LTN1: variants seen among roughly 807,000 people sequenced by gnomAD.
LTN1 encodes the protein E3 ubiquitin-protein ligase listerin.
A neutral mutation model predicts 201.2 loss-of-function variants in LTN1; 88 were observed. The observed-to-expected ratio is 0.44, with a 90% CI of 0.37 to 0.52. The LOEUF (loss-of-function observed/expected upper bound fraction) is 0.52. Among genes scored for constraint, LTN1 ranks in the 20% least tolerant of loss-of-function variants. LTN1 has a pLI of 0.00. For missense variants in LTN1, 1,752 were observed against 2,038.7 expected, an observed-to-expected ratio of 0.86 and a Z score of 2.71; for synonymous variants, 645 against 713.5, an observed-to-expected ratio of 0.90 and a Z score of 1.53.
chr21:28,952,711 A>G (rs2084392545), intron 17 of LTN1, among the ~76,000 whole-genome samples: 2 of 152,212 alleles, frequency 1.3e-5, no homozygotes, highest in African/African-American at 2.4e-5. Flanking sequence ...AGCAAAGCAT[A>G]CTCAAAATAC....
Position 28,981,049 on chromosome 21 carries a change from T to A in LTN1, c.810+70A>T, listed in dbSNP as rs1190903719. On this transcript the variant is annotated intron_variant, in intron 6 of 29. Coordinates refer to ENST00000361371, the MANE Select transcript of LTN1 (RefSeq NM_015565.3). The stretch of plus-strand genomic sequence containing the variant: ...GAGTTCTAAGTATAAACAATAAACA[T>A]AAAACATAAACTAAGAAGATGGGGG... 4 of 989,926 alleles carry A rather than the reference T, an allele frequency of 4.0e-6. No homozygotes were observed. In the African/African-American group the frequency reaches 5.0e-5, roughly 12 times the overall value. 61.3% of individuals were successfully genotyped at this position (989,926 alleles called of 1,614,324 possible). A position where few individuals can be genotyped will look rare whatever the true frequency, so the allele number is the denominator to read the frequency against.
chr21:28,979,449 C>T (rs2084641464), intron 6 of LTN1, among the ~76,000 whole-genome samples: 1 of 152,162 alleles, frequency 6.6e-6, no homozygotes, highest in African/African-American at 2.4e-5. Context: ...CTTCTGAATA[C>T]TACAAGGCAG....
At chr21:28,955,653 G>A (rs1019109751) in intron 16 of LTN1, among the ~76,000 whole-genome samples, 9 of 151,708 alleles carry the variant, frequency 5.9e-5, no homozygotes, top group Admixed American at 4.6e-4. Context: ...GGCCAGGCAC[G>A]GTAGCTCACT....
chr21:28,992,713 C>G, intron 1 of LTN1, 51 bp downstream of exon 1: 2 of 1,608,056 alleles, frequency 1.2e-6, no homozygotes, highest in Non-Finnish European at 1.7e-6. Flanking sequence ...TGGGCGGAGC[C>G]AGCCGCCTCG....
chr21:28,990,755 A>G lies in LTN1; in HGVS notation c.42+2009T>C, dbSNP rs144974804. On this transcript the variant is annotated intron_variant, in intron 1 of 29. Transcript: ENST00000361371. ...GCCTGAATCTAATCATAAGGAAAAA[A>G]CTAGATGAATCTGAATTAATCAAAC... 1.6e-4 allele frequency among the ~76,000 whole-genome samples: 24 copies of G among 152,314 alleles called. No homozygotes were observed. In the East Asian group the frequency reaches 4.6e-3, roughly 29 times the overall value.
At chr21:28,972,833 G>A (rs564417815) in intron 6 of LTN1, among the ~76,000 whole-genome samples, 3 of 152,146 alleles carry the variant, frequency 2.0e-5, no homozygotes, top group African/African-American at 7.2e-5. Flanking sequence ...TCCCAAGCAG[G>A]ATACATAAAG....
At chr21:28,943,192 C>A in intron 24 of LTN1, 70 bp downstream of exon 24, 1 of 868,076 alleles carries the variant, frequency 1.2e-6, no homozygotes, top group South Asian at 1.5e-5. Flanking sequence ...CTGCTTCAGT[C>A]CTCTAAAGAC....
Position 28,957,487 on chromosome 21 carries a change from T to C in LTN1, c.2748-11A>G. ...AAGAGGACTTGGAGACTAAAAATAA[T>C]GCAGAGAACTTAACTGTTGTAGTTA... On this transcript the variant is annotated splice_polypyrimidine_tract_variant and intron_variant, in intron 14 of 29. Transcript: ENST00000361371. 1 of 1,539,144 alleles carries C rather than the reference T, an allele frequency of 6.5e-7. No individual in the cohort carries two copies. Among genetic ancestry groups the C allele is most frequent in the Non-Finnish European group, 8.7e-7 (1 of 1,145,486 alleles).
chr21:28,970,494 G>T, intron 8 of LTN1, 58 bp downstream of exon 8: 1 of 1,105,798 alleles, frequency 9.0e-7, no homozygotes, highest in Non-Finnish European at 1.3e-6. Flanking sequence ...GAAAGAAAAT[G>T]AGTATAAAAA....
intron 11 of LTN1, among the ~76,000 whole-genome samples, chr21:28,964,075 T>A (rs147020058): frequency 1.3e-5 from 2 of 152,348 alleles, no homozygotes; most frequent in East Asian, 3.9e-4. Context: ...GCCGTGAACA[T>A]TGTTGACATG....
Position 28,972,790 on chromosome 21 carries a change from A to C in LTN1, c.811-1346T>G, listed in dbSNP as rs578017517. 3.3e-5 allele frequency among the ~76,000 whole-genome samples: 5 copies of C among 152,228 alleles called. No homozygotes were observed. The South Asian group carries it at 8.3e-4, about 25-fold the overall frequency. ...GAGAATTTTACAGAGCCAATGAAATACACCAAGTCAAAGATTCAAAAAGTC... is the reference window on the plus strand; with the variant it reads ...GAGAATTTTACAGAGCCAATGAAATCCACCAAGTCAAAGATTCAAAAAGTC... On this transcript the variant is annotated intron_variant, in intron 6 of 29. Transcript: ENST00000361371.
At chr21:28,984,555 T>G (rs1244788751) in intron 4 of LTN1, 137 bp downstream of exon 4, 2 of 555,016 alleles carry the variant, frequency 3.6e-6, no homozygotes, top group East Asian at 3.0e-5. Flanking sequence ...AAACAGAATT[T>G]TAAAAAGGCA....
At chr21:28,985,887 C>A (rs199630265) in intron 3 of LTN1, among the ~76,000 whole-genome samples, 2 of 152,136 alleles carry the variant, frequency 1.3e-5, no homozygotes, top group Non-Finnish European at 2.9e-5. Context: ...TCTCAAACTC[C>A]TGACCTCAAG....
intron 6 of LTN1, among the ~76,000 whole-genome samples, chr21:28,979,204 G>A (rs906367375): frequency 1.6e-4 from 25 of 152,236 alleles, no homozygotes; most frequent in Non-Finnish European, 2.6e-4. Flanking sequence ...GAGTCATCAC[G>A]TATTGATGGT....
chr21:28,964,878 G>T, intron 11 of LTN1: 1 of 1,360,374 alleles, frequency 7.4e-7, no homozygotes, highest in Non-Finnish European at 9.6e-7. Flanking sequence ...CATGTAACTT[G>T]GCTACAGGGA....
At chr21:28,952,454 C>T (rs541485487) in intron 17 of LTN1, among the ~76,000 whole-genome samples, 190 bp from the exon 18 acceptor site, 3 of 152,310 alleles carry the variant, frequency 2.0e-5, no homozygotes, top group African/African-American at 7.2e-5. Flanking sequence ...CGGCTTTCAA[C>T]ACTCCTTCAA....
intron 19 of LTN1, 55 bp from the exon 20 acceptor site, chr21:28,946,342 A>G (rs1203259115): frequency 2.4e-6 from 3 of 1,235,222 alleles, no homozygotes; most frequent in African/African-American, 3.2e-5. Flanking sequence ...TATCGCTACT[A>G]TTAAAAAAAA....
intron 6 of LTN1, among the ~76,000 whole-genome samples, chr21:28,973,436 AT>A (rs1055529660): frequency 2.0e-5 from 3 of 151,740 alleles, no homozygotes; most frequent in African/African-American, 7.3e-5. Flanking sequence ...GTAAACAAAG[AT>A]TGAGAGTATA....
chr21:28,958,621 G>T, intron 13 of LTN1, 82 bp from the exon 14 acceptor site: 2 of 1,010,800 alleles, frequency 2.0e-6, no homozygotes, highest in Non-Finnish European at 1.4e-6. Context: ...CAACTCTACA[G>T]ATCTGAGATT....
Sources: gnomAD v4.1 joint callset for allele counts (sites outside exome capture counted in the v4.1 genomes callset) on GRCh38, gnomAD v4.1.1 for gene constraint, MANE v1.5 for transcripts, NCBI Gene and HGNC (gene_info 2026-07-23, HGNC 2026-07-21) for gene names.